Variants in ST3GAL1 observed in about 807,000 individuals in gnomAD.
ST3GAL1 encodes the protein ST3 beta-galactoside alpha-2,3-sialyltransferase 1.
In ST3GAL1, 16 loss-of-function variants were observed where a neutral mutation model predicts 34.1. That is an observed-to-expected ratio of 0.47 (90% CI 0.32 to 0.71). The LOEUF is 0.71. ST3GAL1 is among the 30% of genes least tolerant of loss of function. ST3GAL1 has a pLI of 0.04. For missense variants in ST3GAL1, 353 were observed against 447.4 expected (o/e 0.79, Z 1.90); for synonymous variants, 191 against 184.7 (o/e 1.03, Z -0.28).
rs572522668 is a variant in ST3GAL1, at chr8:133,553,331, C to T, written c.-581-7405G>A. On this transcript the variant is annotated intron_variant, in intron 1 of 9. Coordinates refer to ENST00000522652, the MANE Select transcript of ST3GAL1 (RefSeq NM_173344.3). ...CCCCAGCATCCAAACCCCTAGATCC[C>T]AGCTCCTGTTTCACCAGCCTTGCCC... is the stretch of plus-strand genomic sequence containing the variant. 1.1e-4 allele frequency among the ~76,000 whole-genome samples: 17 copies of T among 152,316 alleles called. No homozygotes were observed. In the East Asian group the frequency reaches 2.3e-3, roughly 21 times the overall value.
chr8:133,537,694 C>T (rs1029466227), intron 2 of ST3GAL1, among the ~76,000 whole-genome samples: 1 of 152,146 alleles, frequency 6.6e-6, no homozygotes, highest in Non-Finnish European at 1.5e-5. Context: ...CATCCATCTC[C>T]CCTGGGGGCC....
intron 5 of ST3GAL1, among the ~76,000 whole-genome samples, chr8:133,473,560 T>G (rs1816045913): frequency 6.6e-6 from 1 of 152,224 alleles, no homozygotes; most frequent in Non-Finnish European, 1.5e-5. Context: ...TCCCAGCAAC[T>G]GCTGCTACAG....
chr8:133,460,462 C>T (rs1179699860), intron 9 of ST3GAL1, among the ~76,000 whole-genome samples: 1 of 152,212 alleles, frequency 6.6e-6, no homozygotes, highest in Non-Finnish European at 1.5e-5. Context: ...AGGGCTGATC[C>T]CTTTCTTCTC....
chr8:133,555,335 C>T (rs1818979726), intron 1 of ST3GAL1, among the ~76,000 whole-genome samples: 1 of 152,154 alleles, frequency 6.6e-6, no homozygotes, highest in Admixed American at 6.5e-5. Flanking sequence ...GCTCCCCAGT[C>T]CTCTCAGCCA....
At chr8:133,542,093 C>CCACA (rs756563042) in intron 2 of ST3GAL1, among the ~76,000 whole-genome samples, 1 of 138,532 alleles carries the variant, frequency 7.2e-6, no homozygotes, top group Non-Finnish European at 1.5e-5. Context: ...GTGTGATACA[C>CCACA]CACACACACA....
chr8:133,483,372 G>A (rs1038521036), intron 3 of ST3GAL1, among the ~76,000 whole-genome samples: 1 of 152,062 alleles, frequency 6.6e-6, no homozygotes, highest in Admixed American at 6.5e-5. Flanking sequence ...ATGCTCACAC[G>A]AAGCGTTGCT....
At position 133,556,998 on chromosome 8, in the gene ST3GAL1, T is replaced by G. The variant is rs114896255; in HGVS notation, c.-581-11072A>C. The stretch of plus-strand genomic sequence containing the variant: ...CATTGTGACATGGTGGAAAGGGGTA[T>G]GTGACAACCCCCCAACCTGACCCTC... On this transcript the variant is annotated intron_variant, in intron 1 of 9. Transcript: ENST00000522652. This position sits in a 1 kb window ranked among gnomAD's most constrained non-coding sequence, Gnocchi z 8.9. 2.0e-5 allele frequency among the ~76,000 whole-genome samples: 3 copies of G among 152,100 alleles called. No homozygotes were observed. The South Asian group carries it at 6.2e-4, about 32-fold the overall frequency.
In ST3GAL1 at chr8:133,540,804, T is replaced by G. The variant is rs1033158227; in HGVS notation, c.-429+4970A>C. Among the ~76,000 whole-genome samples, 235 of 113,614 alleles carry G rather than the reference T, an allele frequency of 2.1e-3. 7 individuals carry two copies. The highest frequency in any genetic ancestry group is 6.3e-3 in the African/African-American group (200 of 31,740). 74.5% of individuals were successfully genotyped at this position (113,614 alleles called of 152,430 possible). A position where few individuals can be genotyped will look rare whatever the true frequency, so the allele number is the denominator to read the frequency against. ...ACATATATATATATAGACATATATA[T>G]AGAGAGACATATATATATAGACATA... On this transcript the variant is annotated intron_variant, in intron 2 of 9. Transcript: ENST00000522652.
chr8:133,553,074 C>T (rs1193949994), intron 1 of ST3GAL1, among the ~76,000 whole-genome samples: 10 of 152,162 alleles, frequency 6.6e-5, no homozygotes, highest in Admixed American at 6.5e-4. Flanking sequence ...ATACTGAGTT[C>T]AAATGTAGAG....
chr8:133,546,488 A>G (rs2131076411), intron 1 of ST3GAL1, among the ~76,000 whole-genome samples: 1 of 152,170 alleles, frequency 6.6e-6, no homozygotes, highest in East Asian at 1.9e-4. Flanking sequence ...CAAAAAAAAA[A>G]AAAAAAAAAG....
chr8:133,556,307 C>T lies in ST3GAL1; in HGVS notation c.-581-10381G>A, dbSNP rs1819019635. Among the ~76,000 whole-genome samples the T allele has an allele frequency of 1.3e-5, 2 of 152,222 alleles. No individual in the cohort carries two copies. The highest frequency in any genetic ancestry group is 4.8e-5 in the African/African-American group (2 of 41,460). On this transcript the variant is annotated intron_variant, in intron 1 of 9. Coordinates refer to ENST00000522652, the MANE Select transcript of ST3GAL1 (RefSeq NM_173344.3). This position sits in a 1 kb window ranked among gnomAD's most constrained non-coding sequence, Gnocchi z 8.9. ...CGTGGAAGTCACTTGCCCCAGATCTCACCACTGATCAACAGCAGGCCTGGT... is the reference window on the plus strand; with the variant it reads ...CGTGGAAGTCACTTGCCCCAGATCTTACCACTGATCAACAGCAGGCCTGGT...
chr8:133,541,087 A>AG (rs1818504403), intron 2 of ST3GAL1, among the ~76,000 whole-genome samples: 2 of 98,006 alleles, frequency 2.0e-5, no homozygotes, highest in Admixed American at 2.1e-4. Context: ...ATAGACATAT[A>AG]TATATAAACA....
At chr8:133,544,677 A>C (rs536160575) in intron 2 of ST3GAL1, among the ~76,000 whole-genome samples, 12 of 152,314 alleles carry the variant, frequency 7.9e-5, no homozygotes, top group Non-Finnish European at 1.8e-4. Flanking sequence ...GCTCAAGCTC[A>C]CATCCATATC....
At chr8:133,470,064 C>A (rs569269840) in intron 5 of ST3GAL1, among the ~76,000 whole-genome samples, 3 of 152,168 alleles carry the variant, frequency 2.0e-5, no homozygotes, top group Admixed American at 6.5e-5. Flanking sequence ...CTCCATGTGG[C>A]GTCACTGTTT....
intron 2 of ST3GAL1, among the ~76,000 whole-genome samples, chr8:133,506,642 G>T (rs543376407): frequency 6.6e-6 from 1 of 151,400 alleles, no homozygotes; most frequent in South Asian, 2.1e-4. Context: ...AAAATTAGCC[G>T]GGCGTGGTGG....
chr8:133,457,922 CA>C lies in ST3GAL1; in HGVS notation c.*1841del, dbSNP rs1283049668. The C allele has an allele frequency of 6.6e-6, 1 of 152,238 alleles. No homozygotes were observed. Among genetic ancestry groups the C allele is most frequent in the African/African-American group, 2.4e-5 (1 of 41,454 alleles). 9.4% of individuals were successfully genotyped at this position (152,238 alleles called of 1,614,324 possible). A position where few individuals can be genotyped will look rare whatever the true frequency, so the allele number is the denominator to read the frequency against. ...CTCCTCAAAGCAGCAGCGACCTTTTCAGGGATATTTTCAACAAGAAAGTGGT... is the reference window on the plus strand; with the variant it reads ...CTCCTCAAAGCAGCAGCGACCTTTTCGGGATATTTTCAACAAGAAAGTGGT... On this transcript the variant is annotated 3_prime_UTR_variant, in exon 10 of 10. Transcript: ENST00000522652.
intron 2 of ST3GAL1, among the ~76,000 whole-genome samples, chr8:133,504,452 A>G (rs1384708244): frequency 6.6e-6 from 1 of 152,378 alleles, no homozygotes; most frequent in East Asian, 1.9e-4. Flanking sequence ...TTTCTGGGAA[A>G]GAATCAAGCC....
chr8:133,563,910 G>A (rs1819315836), intron 1 of ST3GAL1, among the ~76,000 whole-genome samples: 1 of 152,020 alleles, frequency 6.6e-6, no homozygotes, highest in South Asian at 2.1e-4. Flanking sequence ...TGTCATCAAG[G>A]GAGTCTCCCC....
chr8:133,485,232 G>A (rs1008440), intron 3 of ST3GAL1, among the ~76,000 whole-genome samples: 136,666 of 152,094 alleles, frequency 0.9, 62,014 homozygotes, highest in East Asian at 1. Flanking sequence ...CGCTTTGGAA[G>A]TAGTTGAGAT....
Sources: allele counts gnomAD v4.1 joint callset (sites outside exome capture counted in the v4.1 genomes callset), GRCh38; gene constraint gnomAD v4.1.1; non-coding constraint Gnocchi (gnomAD v3.1); transcripts MANE v1.5; gene names NCBI Gene and HGNC (gene_info 2026-07-23, HGNC 2026-07-21).